The following MYO3B variants were observed in gnomAD, a reference collection of about 807,000 sequenced individuals.
The protein encoded by MYO3B is myosin-IIIb.
MYO3B carries 156 observed loss-of-function variants against 174.6 expected under a neutral mutation model. The observed-to-expected ratio is 0.89, with a 90% CI of 0.78 to 1.02. The LOEUF (loss-of-function observed/expected upper bound fraction) is 1.02. Among genes scored for constraint, MYO3B ranks in the 50% least tolerant of loss-of-function variants. The pLI, the probability that MYO3B is intolerant of heterozygous loss-of-function variation, is 0.00. For missense variants in MYO3B, 1,632 were observed against 1,639.4 expected, an observed-to-expected ratio of 1.00 and a Z score of 0.08; for synonymous variants, 563 against 569.1, an observed-to-expected ratio of 0.99 and a Z score of 0.15.
chr2:170,535,719 G>A (rs556069473), intron 30 of MYO3B, among the ~76,000 whole-genome samples: 1 of 152,288 alleles, frequency 6.6e-6, no homozygotes, highest in Admixed American at 6.5e-5. Flanking sequence ...GGATGAAATG[G>A]ATAGTCTAGC....
At position 170,432,732 on chromosome 2, in the gene MYO3B, A is replaced by G. The variant is rs555430965; in HGVS notation, c.2651-11235A>G. Among the ~76,000 whole-genome samples, 197 of 152,062 alleles carry G rather than the reference A, an allele frequency of 1.3e-3. 1 individual carries two copies. Among genetic ancestry groups the G allele is most frequent in the South Asian group, 4.6e-3 (22 of 4,806 alleles). On this transcript the variant is annotated intron_variant, in intron 22 of 34. Transcript: ENST00000408978. The stretch of plus-strand genomic sequence containing the variant: ...GTTGGGACTACAGGCGCCTGCCACC[A>G]TGCCCGGCTAATTTTTGTATTTTTA...
At chr2:170,199,632 T>G (rs975789263) in intron 2 of MYO3B, among the ~76,000 whole-genome samples, 4 of 152,218 alleles carry the variant, frequency 2.6e-5, no homozygotes, top group Non-Finnish European at 5.9e-5. Flanking sequence ...TCTTCAAAAG[T>G]TATTCTCTTG....
intron 33 of MYO3B, 86 bp from the exon 34 acceptor site, chr2:170,652,022 C>A: frequency 7.2e-7 from 1 of 1,394,172 alleles, no homozygotes; most frequent in South Asian, 1.2e-5. Context: ...TCAGCATCTG[C>A]TTGCATTCAA....
At chr2:170,358,152 C>CA (rs60194651) in intron 8 of MYO3B, among the ~76,000 whole-genome samples, 29,001 of 134,252 alleles carry the variant, frequency 0.22, 2,991 homozygotes, top group Middle Eastern at 0.3. Flanking sequence ...AACTCCTTCT[C>CA]AAAAAAAAAA....
At chr2:170,561,910 CTT>C (rs1299776297) in intron 32 of MYO3B, among the ~76,000 whole-genome samples, 6 of 151,978 alleles carry the variant, frequency 3.9e-5, no homozygotes, top group African/African-American at 1.5e-4. Context: ...TTGCTATAGT[CTT>C]TTTCTTCTTC....
chr2:170,370,724 A>G (rs12989165), intron 9 of MYO3B, among the ~76,000 whole-genome samples: 6,679 of 151,788 alleles, frequency 0.044, 200 homozygotes, highest in Non-Finnish European at 0.066. Context: ...AATACAAACC[A>G]AGCAAAAAAC....
chr2:170,614,879 C>T (rs1481633983), intron 32 of MYO3B, among the ~76,000 whole-genome samples: 1 of 152,202 alleles, frequency 6.6e-6, no homozygotes, highest in Admixed American at 6.5e-5. Context: ...TCTTCACAGC[C>T]TCATTCCTTG....
intron 23 of MYO3B, among the ~76,000 whole-genome samples, chr2:170,457,261 T>G (rs1683961253): frequency 6.6e-6 from 1 of 152,210 alleles, no homozygotes; most frequent in South Asian, 2.1e-4. Context: ...TAAAATGCAT[T>G]TTATTCAGTA....
intron 7 of MYO3B, among the ~76,000 whole-genome samples, chr2:170,249,949 A>G (rs545309563): frequency 6.6e-6 from 1 of 152,322 alleles, no homozygotes; most frequent in East Asian, 1.9e-4. Context: ...AAATGGCTGA[A>G]ATGCTGGCAC....
intron 8 of MYO3B, among the ~76,000 whole-genome samples, chr2:170,354,514 G>A (rs191879469): frequency 3.3e-5 from 5 of 152,296 alleles, no homozygotes; most frequent in African/African-American, 9.6e-5. Context: ...GAAACAGAAT[G>A]GAGAAAATTA....
chr2:170,371,216 TAAAAAAAAAAAAAAA>T (rs56689548), intron 9 of MYO3B, among the ~76,000 whole-genome samples: 1 of 89,712 alleles, frequency 1.1e-5, no homozygotes, highest in East Asian at 3.5e-4. Flanking sequence ...AGACAGTGTC[TAAAAAAAAAAAAAAA>T]AAAAAAAAAC....
rs373732138 is a variant in MYO3B at position 170,220,901 on chromosome 2, A to G, written c.603+3506A>G. Reference sequence around the variant, plus strand: ...CAGTATGCTCTGGGACCCAGGCTGTAGCTCTTGGGAATCAGGCCTGCACTA... The same window carrying G: ...CAGTATGCTCTGGGACCCAGGCTGTGGCTCTTGGGAATCAGGCCTGCACTA... On this transcript the variant is annotated intron_variant, in intron 6 of 34. Transcript: ENST00000408978. Among the ~76,000 whole-genome samples, 3 of 152,272 alleles carry G rather than the reference A, an allele frequency of 2.0e-5. 1 individual carries two copies. Among genetic ancestry groups the G allele is most frequent in the Admixed American group, 6.5e-5 (1 of 15,288 alleles).
chr2:170,579,173 T>C (rs755486332), intron 32 of MYO3B, among the ~76,000 whole-genome samples: 1 of 152,230 alleles, frequency 6.6e-6, no homozygotes, highest in African/African-American at 2.4e-5. Flanking sequence ...ATTTGCATTC[T>C]GTAAACAATA....
chr2:170,513,965 A>T (rs1406066150), intron 28 of MYO3B, among the ~76,000 whole-genome samples: 2 of 152,232 alleles, frequency 1.3e-5, no homozygotes, highest in Non-Finnish European at 2.9e-5. Context: ...ATTTGGAAGC[A>T]CTGCTGCCGG....
chr2:170,465,216 G>T (rs975079864), intron 24 of MYO3B, among the ~76,000 whole-genome samples: 2 of 152,010 alleles, frequency 1.3e-5, no homozygotes, highest in Admixed American at 6.6e-5. Context: ...TTGGCTCACG[G>T]TTCTGCAGGC....
intron 7 of MYO3B, among the ~76,000 whole-genome samples, chr2:170,298,686 A>G (rs2093644759): frequency 6.6e-6 from 1 of 151,512 alleles, no homozygotes; most frequent in African/African-American, 2.4e-5. Flanking sequence ...CTCAAAAAAA[A>G]AAAAAAAAAA....
chr2:170,616,094 G>A (rs1695448086), intron 32 of MYO3B, among the ~76,000 whole-genome samples: 1 of 152,188 alleles, frequency 6.6e-6, no homozygotes, highest in African/African-American at 2.4e-5. Context: ...TTAATCAGCA[G>A]TAACAATTGC....
intron 22 of MYO3B, among the ~76,000 whole-genome samples, chr2:170,416,823 T>TTG (rs2094583025): frequency 6.0e-5 from 2 of 33,414 alleles, no homozygotes; most frequent in African/African-American, 2.4e-4. Flanking sequence ...CTGTTGTTTT[T>TTG]TTTTTTTTTT....
At chr2:170,202,359 T>C (rs547508464) in intron 3 of MYO3B, among the ~76,000 whole-genome samples, 2 of 152,288 alleles carry the variant, frequency 1.3e-5, no homozygotes, top group East Asian at 3.9e-4. Context: ...GTCTTTTCTG[T>C]CCCAGGATGG....
Sources: gnomAD v4.1 joint callset for allele counts (sites outside exome capture counted in the v4.1 genomes callset) on GRCh38, gnomAD v4.1.1 for gene constraint, MANE v1.5 for transcripts, NCBI Gene and HGNC (gene_info 2026-07-23, HGNC 2026-07-21) for gene names.